The following SYT9 variants were observed in gnomAD, a reference collection of about 807,000 sequenced individuals.
The protein encoded by SYT9 is synaptotagmin-9.
Under a neutral mutation model 48.4 loss-of-function variants are expected in SYT9, and 22 were observed. That is an observed-to-expected ratio of 0.45 (90% CI 0.32 to 0.65). The LOEUF is 0.65. SYT9 is among the 30% of genes least tolerant of loss of function. The pLI is 0.03. For missense variants in SYT9, 577 were observed against 622.0 expected (o/e 0.93, Z 0.77); for synonymous variants, 265 against 245.0 (o/e 1.08, Z -0.76).
At chr11:7,449,977 C>T (rs1233944336) in intron 6 of SYT9, among the ~76,000 whole-genome samples, 1 of 152,132 alleles carries the variant, frequency 6.6e-6, no homozygotes, top group Non-Finnish European at 1.5e-5. Context: ...CTCCCCGATG[C>T]CAGTCATTGC....
At chr11:7,458,340 G>A (rs1259747892) in intron 6 of SYT9, among the ~76,000 whole-genome samples, 1 of 152,136 alleles carries the variant, frequency 6.6e-6, no homozygotes, top group Admixed American at 6.5e-5. Flanking sequence ...AATTAGCCGG[G>A]CATGGTGGCG....
intron 3 of SYT9, among the ~76,000 whole-genome samples, chr11:7,340,329 T>C (rs1406574205): frequency 3.3e-5 from 5 of 152,368 alleles, no homozygotes; most frequent in African/African-American, 1.2e-4. Flanking sequence ...CAATCCTTGT[T>C]CCTATCCATA....
chr11:7,364,819 A>T (rs911300901), intron 3 of SYT9, among the ~76,000 whole-genome samples: 1 of 152,212 alleles, frequency 6.6e-6, no homozygotes, highest in African/African-American at 2.4e-5. Context: ...CTAGGACTAA[A>T]ATAGAATTTG....
At chr11:7,354,683 A>G (rs10500696) in intron 3 of SYT9, among the ~76,000 whole-genome samples, 10,159 of 152,120 alleles carry the variant, frequency 0.067, 387 homozygotes, top group Middle Eastern at 0.12. Context: ...TCTACAGCAT[A>G]ATGCACTGCT....
intron 3 of SYT9, among the ~76,000 whole-genome samples, chr11:7,350,142 A>G (rs1849884812): frequency 6.6e-6 from 1 of 152,226 alleles, no homozygotes; most frequent in Admixed American, 6.5e-5. Flanking sequence ...CCAGAGAACT[A>G]ATCAATAAAG....
intron 3 of SYT9, among the ~76,000 whole-genome samples, chr11:7,367,097 T>TTTTTTTTG (rs1850263879): frequency 7.7e-6 from 1 of 129,448 alleles, no homozygotes; most frequent in African/African-American, 3.2e-5. Context: ...TTTTTTTTTT[T>TTTTTTTTG]TCGAGACGGA....
At position 7,371,491 on chromosome 11, in the gene SYT9, ATATAGAAAAAAAG is replaced by A. The variant is rs1850361197; in HGVS notation, c.1045-44550_1045-44538del. On this transcript the variant is annotated intron_variant, in intron 3 of 6. Transcript: ENST00000318881. ...TTTTTTTATTTCTTAAATCTCTTAT[ATATAGAAAAAAAG>A]CTGTCTTTATATTGAGGTATAGTTT... Among the ~76,000 whole-genome samples the A allele has an allele frequency of 2.1e-5, 3 of 143,618 alleles. No individual in the cohort carries two copies. In the Admixed American group the frequency reaches 2.1e-4, roughly 10 times the overall value. The allele number at this position is 143,618 out of a possible 152,430, so 94.2% of individuals were successfully genotyped here.
At chr11:7,402,479 A>G (rs1846913069) in intron 3 of SYT9, among the ~76,000 whole-genome samples, 1 of 152,060 alleles carries the variant, frequency 6.6e-6, no homozygotes, top group Non-Finnish European at 1.5e-5. Context: ...ACTCTTGATT[A>G]TATCAGATTT....
chr11:7,381,004 C>G (rs2134045387), intron 3 of SYT9, among the ~76,000 whole-genome samples: 1 of 152,274 alleles, frequency 6.6e-6, no homozygotes, highest in African/African-American at 2.4e-5. Flanking sequence ...TACCGAAATT[C>G]TATTTCTCCT....
At chr11:7,386,566 A>G (rs1850664272) in intron 3 of SYT9, among the ~76,000 whole-genome samples, 1 of 152,248 alleles carries the variant, frequency 6.6e-6, no homozygotes, top group African/African-American at 2.4e-5. Context: ...ATCACTGGCC[A>G]TCACAGAAAT....
intron 3 of SYT9, among the ~76,000 whole-genome samples, chr11:7,392,580 C>A (rs1846649312): frequency 7.4e-6 from 1 of 135,040 alleles, no homozygotes; most frequent in Non-Finnish European, 1.7e-5. Flanking sequence ...GCTATTCAGG[C>A]TGTTTTTTTT....
chr11:7,312,089 G>A (rs546994833), intron 2 of SYT9, among the ~76,000 whole-genome samples: 1 of 152,304 alleles, frequency 6.6e-6, no homozygotes, highest in African/African-American at 2.4e-5. Context: ...GCTATGGACT[G>A]TGTTAGATGT....
intron 3 of SYT9, among the ~76,000 whole-genome samples, chr11:7,346,614 C>T (rs1040834943): frequency 6.6e-6 from 1 of 152,138 alleles, no homozygotes; most frequent in Non-Finnish European, 1.5e-5. Flanking sequence ...GGTCTTTTGG[C>T]GTGTACTGCT....
chr11:7,358,527 T>A (rs1213532819), intron 3 of SYT9, among the ~76,000 whole-genome samples: 1 of 152,168 alleles, frequency 6.6e-6, no homozygotes, highest in East Asian at 1.9e-4. Context: ...CTTGTCTTGT[T>A]CTTAAAGGGA....
chr11:7,247,561 AC>A (rs1297968201), upstream of SYT9, among the ~76,000 whole-genome samples: 1 of 146,214 alleles, frequency 6.8e-6, no homozygotes, highest in African/African-American at 2.5e-5. Flanking sequence ...ATGTATATAC[AC>A]ATATATACAC....
chr11:7,309,772 A>C (rs918441765), intron 2 of SYT9, among the ~76,000 whole-genome samples: 19 of 151,920 alleles, frequency 1.3e-4, no homozygotes, highest in Non-Finnish European at 4.4e-5. Flanking sequence ...CCTTATTTTC[A>C]GCCCCCAGAC....
intron 3 of SYT9, among the ~76,000 whole-genome samples, chr11:7,408,160 G>A (rs773763233): frequency 5.3e-5 from 8 of 152,050 alleles, no homozygotes; most frequent in Non-Finnish European, 7.4e-5. Context: ...ATGGAGTCTC[G>A]CTCTGTTGCC....
intron 3 of SYT9, among the ~76,000 whole-genome samples, chr11:7,346,675 G>A (rs940978805): frequency 7.9e-5 from 12 of 152,036 alleles, no homozygotes; most frequent in South Asian, 4.1e-4. Flanking sequence ...TTCAACTTGC[G>A]TCCCTTTTAA....
intron 3 of SYT9, among the ~76,000 whole-genome samples, chr11:7,333,055 T>C (rs930965285): frequency 6.6e-6 from 1 of 152,202 alleles, no homozygotes; most frequent in Admixed American, 6.5e-5. Flanking sequence ...TCGAAACAGT[T>C]TGTGGTATTT....
Sources: gnomAD v4.1 joint callset for allele counts (sites outside exome capture counted in the v4.1 genomes callset) on GRCh38, gnomAD v4.1.1 for gene constraint, MANE v1.5 for transcripts, NCBI Gene and HGNC (gene_info 2026-07-23, HGNC 2026-07-21) for gene names.